Variants in DMD observed in about 807,000 individuals in gnomAD.
The protein encoded by DMD is dystrophin.
In DMD, 63 loss-of-function variants were observed where a neutral mutation model predicts 330.1. That is an observed-to-expected ratio of 0.19 (90% CI 0.16 to 0.24). DMD has a LOEUF of 0.24. Ranked by LOEUF, DMD falls within the 10% of genes least tolerant of loss-of-function variation. The pLI is 1.00. For synonymous variants in DMD, 1,223 were observed against 959.8 expected, an observed-to-expected ratio of 1.27 and a Z score of -5.07; for missense variants, 3,344 against 2,684.1, an observed-to-expected ratio of 1.25 and a Z score of -5.43.
chrX:32,538,579 G>A (rs771924744), intron 17 of DMD, among the ~76,000 whole-genome samples: 4 of 111,094 alleles, frequency 3.6e-5, no homozygotes, highest in African/African-American at 9.9e-5. Context: ...CTCTTCACAC[G>A]GACATACGTG....
chrX:31,830,471 G>A (rs1443082812), intron 49 of DMD, among the ~76,000 whole-genome samples: 1 of 111,078 alleles, frequency 9.0e-6, no homozygotes, highest in Admixed American at 9.5e-5. Context: ...GTGGGCGCCT[G>A]TAATCCCAGC....
chrX:32,833,424 T>A (rs753423652), intron 4 of DMD, among the ~76,000 whole-genome samples: 31 of 110,292 alleles, frequency 2.8e-4, no homozygotes, highest in Non-Finnish European at 5.9e-4. Context: ...CAAACTAAAC[T>A]TTTTGGGAAA....
At chrX:32,708,074 A>T (rs1289693000) in intron 7 of DMD, among the ~76,000 whole-genome samples, 3 of 112,017 alleles carry the variant, frequency 2.7e-5, no homozygotes, top group African/African-American at 9.7e-5. Context: ...TCTATTTGTG[A>T]ACCTTAATTG....
At chrX:32,250,699 T>C (rs913560988) in intron 43 of DMD, among the ~76,000 whole-genome samples, 2 of 112,070 alleles carry the variant, frequency 1.8e-5, no homozygotes, top group African/African-American at 6.5e-5. Flanking sequence ...TCAGCACTGA[T>C]GAACACTATC....
At chrX:31,380,025 T>C (rs1183163664) in intron 60 of DMD, among the ~76,000 whole-genome samples, 1 of 111,191 alleles carries the variant, frequency 9.0e-6, no homozygotes, top group African/African-American at 3.3e-5. Flanking sequence ...CAGATGCCGA[T>C]CTTCAGGTAA....
chrX:32,114,503 T>A (rs1290088525), intron 44 of DMD, among the ~76,000 whole-genome samples: 1 of 111,917 alleles, frequency 8.9e-6, no homozygotes, highest in Non-Finnish European at 1.9e-5. Context: ...TTCTTAATAT[T>A]TCCAGGGCAG....
chrX:32,681,297 C>T (rs2062403366), intron 9 of DMD, among the ~76,000 whole-genome samples: 1 of 111,564 alleles, frequency 9.0e-6, no homozygotes, highest in Non-Finnish European at 1.9e-5. Flanking sequence ...ACTGCCGATT[C>T]TTGGATCCCA....
At chrX:31,597,258 A>G (rs1438264310) in intron 55 of DMD, among the ~76,000 whole-genome samples, 1 of 112,235 alleles carries the variant, frequency 8.9e-6, no homozygotes, top group African/African-American at 3.2e-5. Flanking sequence ...TATGCAGGAA[A>G]TAATAATGGT....
chrX:33,293,794 C>G (rs143439984), intron 1 of DMD, among the ~76,000 whole-genome samples: 2,597 of 111,660 alleles, frequency 0.023, 29 homozygotes, highest in African/African-American at 0.04. Context: ...GTTTTATATT[C>G]TTCCTCACCA....
intron 1 of DMD, among the ~76,000 whole-genome samples, chrX:33,052,563 CAT>C (rs755271111): frequency 3.1e-3 from 349 of 111,648 alleles, no homozygotes; most frequent in Non-Finnish European, 4.3e-3. Flanking sequence ...ACTGAACACA[CAT>C]AGTCACAGAA....
intron 2 of DMD, among the ~76,000 whole-genome samples, chrX:32,881,360 T>C (rs1305912370): frequency 8.9e-6 from 1 of 112,670 alleles, no homozygotes; most frequent in African/African-American, 3.2e-5. Context: ...GATTTCTGAG[T>C]CTATGAATAA....
At chrX:32,672,756 G>T (rs956061331) in intron 9 of DMD, among the ~76,000 whole-genome samples, 2 of 110,752 alleles carry the variant, frequency 1.8e-5, no homozygotes, top group Admixed American at 9.7e-5. Context: ...AAATGTTACA[G>T]TTCTGGCAGC....
chrX:31,486,715 A>G (rs1018724411), intron 57 of DMD, among the ~76,000 whole-genome samples: 3 of 112,036 alleles, frequency 2.7e-5, no homozygotes. Context: ...ACAAGATGTT[A>G]ACAGTCATAT....
At chrX:32,394,928 A>AACAAAAAAC (rs1388129926) in intron 30 of DMD, among the ~76,000 whole-genome samples, 1 of 99,678 alleles carries the variant, frequency 1.0e-5, no homozygotes, top group African/African-American at 3.8e-5. Flanking sequence ...AAAAAAAAAA[A>AACAAAAAAC]AAAAAGAAAA....
At chrX:32,704,368 A>G (rs928506019) in intron 7 of DMD, among the ~76,000 whole-genome samples, 1 of 94,301 alleles carries the variant, frequency 1.1e-5, no homozygotes, top group Non-Finnish European at 1.9e-5. Context: ...CAGTGCCTTC[A>G]ACAAAACTAA....
chrX:31,627,904 G>T lies in DMD; in HGVS notation c.8028-42C>A, dbSNP rs72466578. On this transcript the variant is annotated intron_variant, in intron 54 of 78. Transcript: ENST00000357033. Reference sequence around the variant, plus strand: ...GTTCAGATGCAATTATTAAATATCAGAATGGTGCACCTAGTGAACTCCATA... The same window carrying T: ...GTTCAGATGCAATTATTAAATATCATAATGGTGCACCTAGTGAACTCCATA... 70 of 1,134,680 alleles carry T rather than the reference G, an allele frequency of 6.2e-5. No homozygotes were observed. In the African/African-American group the frequency reaches 1.2e-3, roughly 20 times the overall value. 93.5% of individuals were successfully genotyped at this position (1,134,680 alleles called of 1,213,427 possible).
rs2097771479 is a variant in DMD at position 32,348,518 on chromosome X, G to C, written c.5336C>G (p.Pro1779Arg). The C allele has an allele frequency of 8.3e-7, 1 of 1,202,329 alleles. No homozygotes were observed. The highest frequency in any genetic ancestry group is 1.1e-6 in the Non-Finnish European group (1 of 890,059). The change falls in exon 38 of 79, where the codon CCT becomes CGT. Residue 1779 changes from proline (P) to arginine (R), a missense_variant. Pro to Arg is a moderately radical substitution (Grantham distance 103). Coordinates refer to ENST00000357033, the MANE Select transcript of DMD (RefSeq NM_004006.3). ...HRIKTGKASI[P>R]LKELEQFNSD... is the part of the protein sequence containing the mutation. Reference sequence around the variant, plus strand: ...GTTAAACTGCTCCAATTCCTTCAAAGGAATGGAGGCCTAAAAAAAAAGATA... The same window carrying C: ...GTTAAACTGCTCCAATTCCTTCAAACGAATGGAGGCCTAAAAAAAAAGATA...
chrX:31,900,778 G>A, intron 47 of DMD, among the ~76,000 whole-genome samples: 1 of 111,126 alleles, frequency 9.0e-6, no homozygotes, highest in Admixed American at 9.6e-5. Context: ...CATTCCCAGA[G>A]CAAGAAGTCT....
intron 37 of DMD, among the ~76,000 whole-genome samples, chrX:32,352,186 T>A (rs1402250008): frequency 9.0e-6 from 1 of 110,635 alleles, no homozygotes; most frequent in East Asian, 2.8e-4. Flanking sequence ...AAGCAGAGAC[T>A]AGATGAGGAT....
Sources: allele counts gnomAD v4.1 joint callset (sites outside exome capture counted in the v4.1 genomes callset), GRCh38; gene constraint gnomAD v4.1.1; transcripts MANE v1.5; gene names NCBI Gene and HGNC (gene_info 2026-07-23, HGNC 2026-07-21).